The following SLC35F1 variants were observed in gnomAD, a reference collection of about 807,000 sequenced individuals.
The protein encoded by SLC35F1 is chromosome 6 open reading frame 169.
Under a neutral mutation model 48.7 loss-of-function variants are expected in SLC35F1, and 14 were observed. The ratio of observed to expected loss-of-function variants is 0.29; its 90% CI spans 0.19 to 0.45. SLC35F1 has a LOEUF of 0.45. Ranked by LOEUF, SLC35F1 falls within the 20% of genes least tolerant of loss-of-function variation. The pLI is 1.00. For missense variants in SLC35F1, 404 were observed against 500.0 expected (o/e 0.81, Z 1.83); for synonymous variants, 190 against 202.2 (o/e 0.94, Z 0.51).
In SLC35F1 at chr6:118,208,123, TCACA is replaced by T. The variant is rs60151250; in HGVS notation, c.350-27368_350-27365del. ...CACGCACACACACGCGCGCGCGCGATCACACACACACACACACACACCCCTCTGC... is the reference window on the plus strand; with the variant it reads ...CACGCACACACACGCGCGCGCGCGATCACACACACACACACACCCCTCTGC... On this transcript the variant is annotated intron_variant, in intron 2 of 7. Transcript: ENST00000360388. Among the ~76,000 whole-genome samples, 73 of 150,472 alleles carry T rather than the reference TCACA, an allele frequency of 4.9e-4. No individual in the cohort carries two copies. The Middle Eastern group carries it at 0.01, about 21-fold the overall frequency.
chr6:117,935,263 A>G (rs797004135), intron 1 of SLC35F1, among the ~76,000 whole-genome samples: 26 of 152,318 alleles, frequency 1.7e-4, no homozygotes, highest in African/African-American at 6.0e-4. Flanking sequence ...AATCCACATG[A>G]TATTAATTAT....
At chr6:118,267,265 C>A in intron 4 of SLC35F1, 111 bp downstream of exon 4, 1 of 1,261,602 alleles carries the variant, frequency 7.9e-7, no homozygotes, top group African/African-American at 1.5e-5. Context: ...CTGGATTTCC[C>A]ACTATCTGTG....
At chr6:117,998,935 G>A (rs111872546) in intron 1 of SLC35F1, 77 of 802,172 alleles carry the variant, frequency 9.6e-5, no homozygotes, top group South Asian at 3.1e-4. Flanking sequence ...CAGCTCTTCC[G>A]GTTCTAGGCA....
rs1775969946 is a variant in SLC35F1 at position 117,923,763 on chromosome 6, G to GTACATATATGTA, written c.173+15864_173+15865insTACATATATGTA. ...TACATATATGTACATATATACATAT[G>GTACATATATGTA]CACATACATATGTATATATACATAT... On this transcript the variant is annotated intron_variant, in intron 1 of 7. Coordinates refer to ENST00000360388, the MANE Select transcript of SLC35F1 (RefSeq NM_001029858.4). 6.3e-3 allele frequency among the ~76,000 whole-genome samples: 113 copies of GTACATATATGTA among 18,072 alleles called. 7 individuals are homozygous for GTACATATATGTA. Among genetic ancestry groups the GTACATATATGTA allele is most frequent in the Non-Finnish European group, 9.1e-3 (96 of 10,540 alleles). 11.9% of individuals were successfully genotyped at this position (18,072 alleles called of 152,430 possible).
chr6:118,158,768 G>A (rs1042507209), intron 2 of SLC35F1, among the ~76,000 whole-genome samples: 1 of 152,166 alleles, frequency 6.6e-6, no homozygotes, highest in Non-Finnish European at 1.5e-5. Context: ...AAATGAATTG[G>A]AGTTGAGTTT....
At chr6:117,930,615 T>G (rs1776088041) in intron 1 of SLC35F1, among the ~76,000 whole-genome samples, 1 of 152,160 alleles carries the variant, frequency 6.6e-6, no homozygotes, top group African/African-American at 2.4e-5. Flanking sequence ...GAGGTAATAG[T>G]GTGACCTAAT....
rs958907876 is a variant in SLC35F1 at position 118,315,270 on chromosome 6, G to A, written c.*1018G>A. On this transcript the variant is annotated 3_prime_UTR_variant, in exon 8 of 8. Transcript: ENST00000360388. ...CCTTTATTGTGGAAAATCATTGGTT[G>A]TGCCACCTCCTAACAAAGTCAAGGT... 1 of 152,486 alleles carries A rather than the reference G, an allele frequency of 6.6e-6. No homozygotes were observed. The highest frequency in any genetic ancestry group is 2.4e-5 in the African/African-American group (1 of 41,380). 9.4% of individuals were successfully genotyped at this position (152,486 alleles called of 1,614,324 possible).
At chr6:118,043,527 T>C (rs1772257554) in intron 1 of SLC35F1, among the ~76,000 whole-genome samples, 1 of 152,158 alleles carries the variant, frequency 6.6e-6, no homozygotes, top group Admixed American at 6.6e-5. Context: ...GCTATGTCTA[T>C]CTTATTTTCA....
chr6:118,063,195 C>T (rs1772566046), intron 1 of SLC35F1, among the ~76,000 whole-genome samples: 2 of 152,058 alleles, frequency 1.3e-5, no homozygotes, highest in African/African-American at 4.8e-5. Context: ...TATCAGATAT[C>T]CACAGAAATA....
At chr6:117,919,573 T>C (rs1333052069) in intron 1 of SLC35F1, among the ~76,000 whole-genome samples, 1 of 152,132 alleles carries the variant, frequency 6.6e-6, no homozygotes, top group East Asian at 1.9e-4. Context: ...CTCTGGGGAC[T>C]GTCGTTTTTG....
intron 1 of SLC35F1, among the ~76,000 whole-genome samples, chr6:117,950,070 C>A (rs1471549442): frequency 1.3e-5 from 2 of 152,154 alleles, no homozygotes; most frequent in Non-Finnish European, 2.9e-5. Context: ...TGATTCTATG[C>A]TACCCATTTT....
At chr6:117,995,583 A>C (rs759119928) in intron 1 of SLC35F1, among the ~76,000 whole-genome samples, 1 of 152,148 alleles carries the variant, frequency 6.6e-6, no homozygotes, top group South Asian at 2.1e-4. Flanking sequence ...TCTACTAAAA[A>C]TACAAAAATT....
chr6:117,957,597 A>C (rs1776443133), intron 1 of SLC35F1, among the ~76,000 whole-genome samples: 1 of 152,222 alleles, frequency 6.6e-6, no homozygotes, highest in Non-Finnish European at 1.5e-5. Context: ...CTGGCTGTTA[A>C]GATATAGTCA....
intron 1 of SLC35F1, among the ~76,000 whole-genome samples, chr6:117,910,431 C>G (rs990192391): frequency 4.6e-5 from 7 of 152,120 alleles, no homozygotes; most frequent in African/African-American, 1.7e-4. Context: ...TTGCTTTCTT[C>G]TTTTCCTCTT....
rs116243363 is a variant in SLC35F1 at position 117,981,317 on chromosome 6, T to G, written c.173+73418T>G. 5.3e-3 allele frequency among the ~76,000 whole-genome samples: 813 copies of G among 152,188 alleles called. 6 individuals carry two copies. The highest frequency in any genetic ancestry group is 0.019 in the African/African-American group (773 of 41,522). On this transcript the variant is annotated intron_variant, in intron 1 of 7. Transcript: ENST00000360388. ...GTTGGAGATGTGATCATTACCCAAATATAGCTGATGGCTGAAGCTATGGTA... is the reference window on the plus strand; with the variant it reads ...GTTGGAGATGTGATCATTACCCAAAGATAGCTGATGGCTGAAGCTATGGTA...
intron 2 of SLC35F1, among the ~76,000 whole-genome samples, chr6:118,205,530 T>C (rs2114541316): frequency 6.6e-6 from 1 of 152,276 alleles, no homozygotes; most frequent in South Asian, 2.1e-4. Context: ...TGTGGATATA[T>C]TAGAACACTT....
chr6:117,982,245 T>C (rs935435725), intron 1 of SLC35F1, among the ~76,000 whole-genome samples: 14 of 152,214 alleles, frequency 9.2e-5, no homozygotes, highest in African/African-American at 3.4e-4. Flanking sequence ...CTAACTTTAC[T>C]GGGTGTATTT....
intron 2 of SLC35F1, among the ~76,000 whole-genome samples, chr6:118,216,689 G>A (rs764239043): frequency 3.3e-5 from 5 of 152,030 alleles, no homozygotes; most frequent in East Asian, 3.9e-4. Flanking sequence ...TTTCCTTATT[G>A]TCTTTATTTG....
intron 1 of SLC35F1, among the ~76,000 whole-genome samples, chr6:117,947,463 A>T (rs1776309730): frequency 6.6e-6 from 1 of 152,144 alleles, no homozygotes; most frequent in Non-Finnish European, 1.5e-5. Context: ...AAGAAGTGTA[A>T]TCTGATTTAT....
Sources: allele counts gnomAD v4.1 joint callset (sites outside exome capture counted in the v4.1 genomes callset), GRCh38; gene constraint gnomAD v4.1.1; transcripts MANE v1.5; gene names NCBI Gene and HGNC (gene_info 2026-07-23, HGNC 2026-07-21).